ZNF385B: variants seen among roughly 807,000 people sequenced by gnomAD.
ZNF385B encodes the protein zinc finger protein 385B.
ZNF385B carries 23 observed loss-of-function variants against 39.2 expected under a neutral mutation model. The ratio of observed to expected loss-of-function variants is 0.59; its 90% CI spans 0.42 to 0.83. The LOEUF (loss-of-function observed/expected upper bound fraction) is 0.83, where lower values mean the gene tolerates loss of function less well. ZNF385B is among the 40% of genes least tolerant of loss of function. The pLI is 0.00. For synonymous variants in ZNF385B, 205 were observed against 222.6 expected (o/e 0.92, Z 0.70); for missense variants, 552 against 598.9 (o/e 0.92, Z 0.82).
chr2:179,537,317 TAAATAA>T (rs1559429959), intron 4 of ZNF385B, among the ~76,000 whole-genome samples: 1 of 56,540 alleles, frequency 1.8e-5, no homozygotes, highest in Non-Finnish European at 3.7e-5. Context: ...AAAAAAAAAA[TAAATAA>T]AAAAAAAATA....
chr2:179,737,984 C>T (rs1294419019), intron 3 of ZNF385B, among the ~76,000 whole-genome samples: 2 of 152,126 alleles, frequency 1.3e-5, no homozygotes, highest in Non-Finnish European at 2.9e-5. Context: ...TTAACATGCT[C>T]ATATAATCAT....
intron 4 of ZNF385B, among the ~76,000 whole-genome samples, chr2:179,543,888 G>T (rs569262689): frequency 1.6e-4 from 25 of 152,276 alleles, no homozygotes; most frequent in Non-Finnish European, 3.1e-4. Context: ...TCATACAGAA[G>T]ATAGGTTTGC....
intron 1 of ZNF385B, among the ~76,000 whole-genome samples, chr2:179,826,817 G>A (rs1213334633): frequency 1.3e-5 from 2 of 152,044 alleles, no homozygotes; most frequent in Non-Finnish European, 2.9e-5. Context: ...CAATAAGAAA[G>A]GTAAATTTGA....
At chr2:179,507,788 A>AT (rs1309715728) in intron 5 of ZNF385B, among the ~76,000 whole-genome samples, 1 of 152,160 alleles carries the variant, frequency 6.6e-6, no homozygotes, top group Non-Finnish European at 1.5e-5. Flanking sequence ...TGCCAACAAC[A>AT]TCTTCTTAGC....
chr2:179,514,559 T>C (rs565928487), intron 5 of ZNF385B, among the ~76,000 whole-genome samples: 20 of 152,302 alleles, frequency 1.3e-4, no homozygotes, highest in South Asian at 1.0e-3. Flanking sequence ...TCAGCATATA[T>C]TGTTACATAA....
At chr2:179,835,374 T>C (rs76292482) in intron 1 of ZNF385B, among the ~76,000 whole-genome samples, 2 of 152,294 alleles carry the variant, frequency 1.3e-5, no homozygotes, top group African/African-American at 4.8e-5. Flanking sequence ...GTGGAAACCC[T>C]TGAGGTAATA....
chr2:179,603,573 A>C (rs1688571829), intron 3 of ZNF385B, among the ~76,000 whole-genome samples: 1 of 152,174 alleles, frequency 6.6e-6, no homozygotes, highest in Non-Finnish European at 1.5e-5. Flanking sequence ...TGGCATAATC[A>C]CAGTGTAGAT....
chr2:179,763,642 A>G (rs1703525255), intron 3 of ZNF385B, among the ~76,000 whole-genome samples: 1 of 152,202 alleles, frequency 6.6e-6, no homozygotes, highest in South Asian at 2.1e-4. Flanking sequence ...AAGGCTATAA[A>G]TTTCCAGCTC....
intron 4 of ZNF385B, among the ~76,000 whole-genome samples, chr2:179,540,318 T>C (rs186801824): frequency 4.7e-4 from 72 of 152,086 alleles, no homozygotes; most frequent in Non-Finnish European, 8.2e-4. Context: ...TGGTGGCGCA[T>C]GACTGTAATC....
chr2:179,584,376 A>G (rs1258507705), intron 3 of ZNF385B, among the ~76,000 whole-genome samples: 1 of 152,182 alleles, frequency 6.6e-6, no homozygotes, highest in Non-Finnish European at 1.5e-5. Context: ...AATGCAGTAT[A>G]AAATACTATA....
At chr2:179,787,851 T>C (rs920056752) in intron 1 of ZNF385B, among the ~76,000 whole-genome samples, 21 of 152,168 alleles carry the variant, frequency 1.4e-4, no homozygotes, top group African/African-American at 5.1e-4. Flanking sequence ...CTGTGGACAC[T>C]AGGGGTTTGC....
chr2:179,704,510 G>T (rs1014092128), intron 3 of ZNF385B, among the ~76,000 whole-genome samples: 1 of 152,170 alleles, frequency 6.6e-6, no homozygotes, highest in Non-Finnish European at 1.5e-5. Context: ...AAACACCTCT[G>T]GGAGATTAGG....
intron 3 of ZNF385B, among the ~76,000 whole-genome samples, chr2:179,630,585 A>G (rs1691109934): frequency 6.6e-6 from 1 of 152,268 alleles, no homozygotes; most frequent in Admixed American, 6.5e-5. Flanking sequence ...AGAAAAGCTG[A>G]AAATTCTAAA....
At chr2:179,444,062 C>T (rs1031696443) in intron 9 of ZNF385B, among the ~76,000 whole-genome samples, 11 of 152,174 alleles carry the variant, frequency 7.2e-5, no homozygotes, top group Non-Finnish European at 4.4e-5. Flanking sequence ...CTCTATTTAA[C>T]GGAATGCCAG....
At chr2:179,793,683 C>G (rs1705481850) in intron 1 of ZNF385B, among the ~76,000 whole-genome samples, 1 of 152,178 alleles carries the variant, frequency 6.6e-6, no homozygotes. Context: ...ATAAATTGCC[C>G]AGTCTCAGGT....
chr2:179,836,179 TCAC>T (rs1009892146), intron 1 of ZNF385B, among the ~76,000 whole-genome samples: 4 of 152,222 alleles, frequency 2.6e-5, no homozygotes, highest in Non-Finnish European at 4.4e-5. Context: ...TCCATAATAC[TCAC>T]CACATTACAC....
At chr2:179,546,514 C>T (rs1574725527) in intron 3 of ZNF385B, among the ~76,000 whole-genome samples, 2 of 152,162 alleles carry the variant, frequency 1.3e-5, no homozygotes, top group Admixed American at 6.6e-5. Context: ...CTTAACATAA[C>T]GTCCTCTAGT....
chr2:179,529,933 T>C (rs1425666137), intron 4 of ZNF385B, among the ~76,000 whole-genome samples: 4 of 152,206 alleles, frequency 2.6e-5, no homozygotes, highest in Non-Finnish European at 5.9e-5. Flanking sequence ...GTTTCCTTAT[T>C]TAGTATTGTA....
chr2:179,851,149 CA>C (rs1684113125), intron 1 of ZNF385B, among the ~76,000 whole-genome samples: 1 of 152,210 alleles, frequency 6.6e-6, no homozygotes, highest in Admixed American at 6.5e-5. Context: ...CCCTTCCCTA[CA>C]GCTAAAGAAA....
Sources: gnomAD v4.1 joint callset for allele counts (sites outside exome capture counted in the v4.1 genomes callset) on GRCh38, gnomAD v4.1.1 for gene constraint, MANE v1.5 for transcripts, NCBI Gene and HGNC (gene_info 2026-07-23, HGNC 2026-07-21) for gene names.